Variants in DYM observed in about 807,000 individuals in gnomAD.
DYM encodes the protein dymeclin.
Under a neutral mutation model 93.1 loss-of-function variants are expected in DYM, and 78 were observed. The observed-to-expected ratio is 0.84, with a 90% confidence interval of 0.70 to 1.01. The LOEUF (loss-of-function observed/expected upper bound fraction) is 1.01, where lower values mean the gene tolerates loss of function less well. Among genes scored for constraint, DYM ranks in the 50% least tolerant of loss-of-function variants. DYM has a pLI of 0.00. For missense variants in DYM, 789 were observed against 845.0 expected, an observed-to-expected ratio of 0.93 and a Z score of 0.82; for synonymous variants, 321 against 319.7, an observed-to-expected ratio of 1.00 and a Z score of -0.04.
At chr18:49,064,491 G>T (rs1390659276) in intron 17 of DYM, among the ~76,000 whole-genome samples, 1 of 152,132 alleles carries the variant, frequency 6.6e-6, no homozygotes, top group African/African-American at 2.4e-5. Context: ...CAGGGTCTAT[G>T]ACTTCATACT....
intron 16 of DYM, among the ~76,000 whole-genome samples, chr18:49,109,245 G>C (rs2081173362): frequency 6.6e-6 from 1 of 152,108 alleles, no homozygotes; most frequent in South Asian, 2.1e-4. Flanking sequence ...TACATGGATG[G>C]ATTTTTGTTG....
intron 3 of DYM, among the ~76,000 whole-genome samples, chr18:49,381,605 T>G (rs2068048888): frequency 6.6e-6 from 1 of 152,228 alleles, no homozygotes; most frequent in Non-Finnish European, 1.5e-5. Flanking sequence ...AAATCACAAG[T>G]CATTCTTATT....
intron 13 of DYM, among the ~76,000 whole-genome samples, chr18:49,226,258 C>T (rs2144253610): frequency 6.6e-6 from 1 of 152,232 alleles, no homozygotes. Context: ...TACAGATGTA[C>T]CATCTATATT....
intron 8 of DYM, among the ~76,000 whole-genome samples, chr18:49,300,217 T>G (rs2060829972): frequency 6.6e-6 from 1 of 151,452 alleles, no homozygotes; most frequent in Admixed American, 6.6e-5. Context: ...ATAATATATA[T>G]TTTGACATAC....
chr18:49,070,397 G>C (rs2076794884), intron 17 of DYM, among the ~76,000 whole-genome samples: 1 of 152,180 alleles, frequency 6.6e-6, no homozygotes, highest in African/African-American at 2.4e-5. Context: ...CCAGACTGCA[G>C]GACTGGGGAC....
In DYM at chr18:49,167,408, T is replaced by C. The variant is rs183831751; in HGVS notation, c.1626-3621A>G. On this transcript the variant is annotated intron_variant, in intron 14 of 17. Transcript: ENST00000675505. ...GAAATTCTCTGTAAGAATAGATCAT[T>C]TGAGGTCACATTCAGCTCTCCATCG... is the stretch of plus-strand genomic sequence containing the variant. 1.8e-4 allele frequency among the ~76,000 whole-genome samples: 28 copies of C among 152,266 alleles called. No individual in the cohort carries two copies. The East Asian group carries it at 5.0e-3, about 27-fold the overall frequency.
At chr18:49,357,325 T>TAA in intron 6 of DYM, among the ~76,000 whole-genome samples, 1 of 152,158 alleles carries the variant, frequency 6.6e-6, no homozygotes, top group Non-Finnish European at 1.5e-5. Context: ...TGACCTGAAT[T>TAA]AAAAAGAAAT....
intron 1 of DYM, among the ~76,000 whole-genome samples, chr18:49,440,890 A>T (rs560233113): frequency 0.41 from 43 of 104 alleles, 20 homozygotes; most frequent in South Asian, 1. Context: ...TTATATATAT[A>T]ATATATTTAT....
At chr18:49,214,051 A>G (rs1054267457) in intron 13 of DYM, among the ~76,000 whole-genome samples, 6 of 152,344 alleles carry the variant, frequency 3.9e-5, no homozygotes, top group Admixed American at 2.0e-4. Flanking sequence ...TTAAAAGCCA[A>G]CAAAAGACAC....
chr18:49,289,567 C>T (rs956802176), intron 8 of DYM, among the ~76,000 whole-genome samples: 4 of 148,826 alleles, frequency 2.7e-5, no homozygotes, highest in East Asian at 1.9e-4. Context: ...AAGAAATAGC[C>T]GGGCATGGTG....
At position 49,391,794 on chromosome 18, in the gene DYM, AAGTT is replaced by A. The variant is rs561680523; in HGVS notation, c.141-153_141-150del. 203 of 584,514 alleles carry A rather than the reference AAGTT, an allele frequency of 3.5e-4. 2 individuals carry two copies. Among genetic ancestry groups the A allele is most frequent in the South Asian group, 3.0e-3 (126 of 42,352 alleles). 36.2% of individuals were successfully genotyped at this position (584,514 alleles called of 1,614,324 possible). ...TGAACAATAAGATCAGCAAAAAAAA[AAGTT>A]AGGCTTCAATTTTCAATATAATTAG... On this transcript the variant is annotated intron_variant, in intron 2 of 17. Transcript: ENST00000675505.
intron 8 of DYM, among the ~76,000 whole-genome samples, chr18:49,289,794 C>CAT (rs1379601314): frequency 0.23 from 15,455 of 68,062 alleles, 1,722 homozygotes; most frequent in East Asian, 0.49. Flanking sequence ...TATATACACA[C>CAT]ATATATATAT....
intron 14 of DYM, among the ~76,000 whole-genome samples, chr18:49,172,193 T>C (rs2088833331): frequency 1.3e-5 from 2 of 152,202 alleles, no homozygotes; most frequent in Admixed American, 6.5e-5. Flanking sequence ...TCCATGCTGT[T>C]TTGTATATCA....
At chr18:49,377,277 AG>A (rs1461918248) in intron 5 of DYM, among the ~76,000 whole-genome samples, 9 of 152,174 alleles carry the variant, frequency 5.9e-5, no homozygotes, top group African/African-American at 1.9e-4. Context: ...TAAAAATTCT[AG>A]GCCGGGCACG....
At chr18:49,378,209 A>T (rs2147669747) in intron 5 of DYM, among the ~76,000 whole-genome samples, 1 of 152,286 alleles carries the variant, frequency 6.6e-6, no homozygotes, top group Admixed American at 6.5e-5. Context: ...TTAATAATAT[A>T]TTGACTTGGC....
chr18:49,173,933 C>T (rs1394675989), intron 14 of DYM, among the ~76,000 whole-genome samples: 1 of 152,042 alleles, frequency 6.6e-6, no homozygotes, highest in African/African-American at 2.4e-5. Flanking sequence ...TTTTCCTGAT[C>T]TTAGGGGAAA....
At chr18:49,427,248 A>G (rs1361886264) in intron 2 of DYM, among the ~76,000 whole-genome samples, 1 of 152,228 alleles carries the variant, frequency 6.6e-6, no homozygotes, top group Non-Finnish European at 1.5e-5. Flanking sequence ...ATATGGAATA[A>G]AAGAACAAGT....
chr18:49,364,033 T>G (rs1035095464), intron 5 of DYM, among the ~76,000 whole-genome samples: 2 of 152,254 alleles, frequency 1.3e-5, no homozygotes, highest in African/African-American at 2.4e-5. Context: ...CTTCCCAGTG[T>G]CTGCTTCCTC....
chr18:49,091,033 T>G (rs1195367407), intron 17 of DYM, among the ~76,000 whole-genome samples: 4 of 152,164 alleles, frequency 2.6e-5, no homozygotes, highest in Non-Finnish European at 4.4e-5. Context: ...TTTATAATAT[T>G]TTGGAATAAA....
Sources: gnomAD v4.1 joint callset for allele counts (sites outside exome capture counted in the v4.1 genomes callset) on GRCh38, gnomAD v4.1.1 for gene constraint, MANE v1.5 for transcripts, NCBI Gene and HGNC (gene_info 2026-07-23, HGNC 2026-07-21) for gene names.